The following KCNH1 variants were observed in gnomAD, a reference collection of about 807,000 sequenced individuals.
KCNH1 encodes the protein voltage-gated delayed rectifier potassium channel KCNH1.
A neutral mutation model predicts 69.2 loss-of-function variants in KCNH1; 27 were observed. The observed-to-expected ratio is 0.39, with a 90% CI of 0.29 to 0.54. The LOEUF (loss-of-function observed/expected upper bound fraction) is 0.54. KCNH1 is among the 20% of genes least tolerant of loss of function. The probability of loss-of-function intolerance (pLI) is 0.68; values close to 1 mark genes in which losing one functional copy is unlikely to be tolerated. For synonymous variants in KCNH1, 456 were observed against 487.7 expected, an observed-to-expected ratio of 0.93 and a Z score of 0.86; for missense variants, 798 against 1,261.6, an observed-to-expected ratio of 0.63 and a Z score of 5.57.
intron 7 of KCNH1, among the ~76,000 whole-genome samples, chr1:210,905,549 T>C (rs1687083891): frequency 6.6e-6 from 1 of 152,172 alleles, no homozygotes; most frequent in Non-Finnish European, 1.5e-5. Flanking sequence ...TCCTGACATG[T>C]AGCCCTGAGT....
chr1:211,123,159 A>G (rs1021114186), intron 1 of KCNH1, among the ~76,000 whole-genome samples: 2 of 151,900 alleles, frequency 1.3e-5, no homozygotes, highest in Admixed American at 1.3e-4. Flanking sequence ...TATCTGCCCC[A>G]CTCTACATAT....
intron 6 of KCNH1, among the ~76,000 whole-genome samples, chr1:210,999,146 CAAGA>C (rs1387262817): frequency 2.0e-5 from 3 of 152,098 alleles, no homozygotes; most frequent in Admixed American, 2.0e-4. Context: ...TAGCAGAAGA[CAAGA>C]AATAACTAAG....
intron 10 of KCNH1, among the ~76,000 whole-genome samples, chr1:210,707,644 T>C (rs1240201325): frequency 6.6e-6 from 1 of 152,180 alleles, no homozygotes; most frequent in Non-Finnish European, 1.5e-5. Flanking sequence ...ACCACGTTGC[T>C]GGTTTAATGC....
chr1:210,984,719 C>T (rs1002194975), intron 6 of KCNH1, among the ~76,000 whole-genome samples: 1 of 150,676 alleles, frequency 6.6e-6, no homozygotes, highest in Non-Finnish European at 1.5e-5. Flanking sequence ...CATCAATGTT[C>T]CTCAGGGATA....
intron 6 of KCNH1, among the ~76,000 whole-genome samples, chr1:210,933,254 A>G (rs1221065493): frequency 6.6e-6 from 1 of 152,132 alleles, no homozygotes; most frequent in Non-Finnish European, 1.5e-5. Flanking sequence ...TCAGTAAACT[A>G]TCGCAAGAAC....
At chr1:210,795,897 C>A (rs1227046458) in intron 9 of KCNH1, among the ~76,000 whole-genome samples, 1 of 151,436 alleles carries the variant, frequency 6.6e-6, no homozygotes, top group East Asian at 1.9e-4. Context: ...CCAAGGCGGG[C>A]AGATCACGAG....
intron 7 of KCNH1, among the ~76,000 whole-genome samples, chr1:210,824,193 T>A (rs1286993074): frequency 6.6e-6 from 1 of 152,010 alleles, no homozygotes; most frequent in Non-Finnish European, 1.5e-5. Flanking sequence ...AATTTATTGG[T>A]CTTAGGACTC....
At chr1:210,769,542 C>T (rs2102362481) in intron 10 of KCNH1, among the ~76,000 whole-genome samples, 1 of 152,264 alleles carries the variant, frequency 6.6e-6, no homozygotes, top group South Asian at 2.1e-4. Flanking sequence ...TATAAACAAA[C>T]ACTGCACAAA....
chr1:210,683,756 G>T lies in KCNH1; in HGVS notation c.2495C>A (p.Ala832Asp). 1 of 1,613,972 alleles carries T rather than the reference G, an allele frequency of 6.2e-7. No homozygotes were observed. Among genetic ancestry groups the T allele is most frequent in the Non-Finnish European group, 8.5e-7 (1 of 1,180,044 alleles). Residue 832 changes from alanine (A) to aspartate (D), a missense_variant, in exon 11 of 11, where the codon GCC becomes GAC. This residue lies in a region of KCNH1 where 331 missense variants were observed against 363.2 expected (regional missense o/e 0.91). Transcript: ENST00000271751. The surrounding 1 kb of genome is among the most constrained non-coding windows in gnomAD (Gnocchi z 5.7). ...GAAGCGGGCCCAGCTTTTGCGCTTG[G>T]CACAATCGCCCCCGCCCCCCTTGGG... ...LGPKGGGGDC[A>D]KRKSWARFKD...
intron 7 of KCNH1, among the ~76,000 whole-genome samples, chr1:210,805,843 T>A (rs1366566145): frequency 3.3e-5 from 5 of 152,232 alleles, no homozygotes; most frequent in African/African-American, 1.2e-4. Context: ...ATATGCGGTC[T>A]TCCATGACTA....
At chr1:211,062,764 T>C (rs145580294) in intron 5 of KCNH1, among the ~76,000 whole-genome samples, 26 of 152,348 alleles carry the variant, frequency 1.7e-4, no homozygotes, top group African/African-American at 6.3e-4. Flanking sequence ...AGATATCATG[T>C]AACCCCAGTT....
intron 6 of KCNH1, among the ~76,000 whole-genome samples, chr1:211,013,626 C>T (rs1486647879): frequency 6.6e-6 from 1 of 152,206 alleles, no homozygotes; most frequent in Non-Finnish European, 1.5e-5. Context: ...GGTTTCACTA[C>T]CTCAAAACAG....
intron 7 of KCNH1, among the ~76,000 whole-genome samples, chr1:210,817,142 C>T (rs1393891687): frequency 1.3e-5 from 2 of 152,084 alleles, no homozygotes; most frequent in Non-Finnish European, 2.9e-5. Context: ...CTCCACATTG[C>T]CTCCAAAATA....
intron 1 of KCNH1, among the ~76,000 whole-genome samples, chr1:211,123,362 G>A (rs1691721801): frequency 6.6e-6 from 1 of 152,196 alleles, no homozygotes; most frequent in African/African-American, 2.4e-5. Flanking sequence ...TGTTTCTAAG[G>A]TGAGTAAATG....
At chr1:210,801,890 C>T (rs960011793) in intron 8 of KCNH1, among the ~76,000 whole-genome samples, 1 of 152,064 alleles carries the variant, frequency 6.6e-6, no homozygotes, top group Non-Finnish European at 1.5e-5. Flanking sequence ...TCTGTTTGGA[C>T]TCATCCTCCT....
intron 10 of KCNH1, among the ~76,000 whole-genome samples, chr1:210,711,121 T>C: frequency 6.6e-6 from 1 of 152,202 alleles, no homozygotes; most frequent in Admixed American, 6.5e-5. Context: ...CCCATGAAAT[T>C]CACCCTTAGT....
chr1:210,901,967 T>A (rs1388771082), intron 7 of KCNH1, among the ~76,000 whole-genome samples: 1 of 152,160 alleles, frequency 6.6e-6, no homozygotes, highest in Non-Finnish European at 1.5e-5. Context: ...ACAGCTTCAT[T>A]CCTTAAATAC....
Position 210,683,582 on chromosome 1 carries a change from C to A in KCNH1, c.2669G>T (p.Arg890Leu), listed in dbSNP as rs768347864. 1 of 1,614,154 alleles carries A rather than the reference C, an allele frequency of 6.2e-7. No individual in the cohort carries two copies. The highest frequency in any genetic ancestry group is 1.7e-5 in the Admixed American group (1 of 60,024). The change falls in exon 11 of 11, where the codon CGC (arginine) becomes CTC (leucine). Residue 890 changes from arginine to leucine, a missense_variant. Arg to Leu is a moderately radical substitution (Grantham distance 102, BLOSUM62 -2). Coordinates refer to ENST00000271751, the MANE Select transcript of KCNH1 (RefSeq NM_172362.3). The surrounding 1 kb of genome is among the most constrained non-coding windows in gnomAD (Gnocchi z 5.7). The part of the protein sequence containing the change: ...CDSGITKSDL[R>L]LDNVGEARSP... ...CCTGGCCTCACCCACGTTGTCCAGGCGCAAGTCGCTCTTGGTGATGCCACT... is the reference window on the plus strand; with the variant it reads ...CCTGGCCTCACCCACGTTGTCCAGGAGCAAGTCGCTCTTGGTGATGCCACT...
At chr1:210,717,919 C>A (rs1682300360) in intron 10 of KCNH1, among the ~76,000 whole-genome samples, 3 of 152,184 alleles carry the variant, frequency 2.0e-5, no homozygotes, top group Middle Eastern at 6.8e-3. Context: ...CAGGCCTGGC[C>A]AACATAGTGA....
Sources: gnomAD v4.1 joint callset for allele counts (sites outside exome capture counted in the v4.1 genomes callset) on GRCh38, gnomAD v4.1.1 for gene constraint, gnomAD v4.1.1 regional missense constraint, Gnocchi (gnomAD v3.1) non-coding constraint, MANE v1.5 for transcripts, NCBI Gene and HGNC (gene_info 2026-07-23, HGNC 2026-07-21) for gene names.